The following AGBL4 variants were observed in gnomAD, a reference collection of about 807,000 sequenced individuals.
AGBL4 encodes AGBL carboxypeptidase 4.
Under a neutral mutation model 66.4 loss-of-function variants are expected in AGBL4, and 58 were observed. That is an observed-to-expected ratio of 0.87 (90% CI 0.71 to 1.09). AGBL4 has a LOEUF of 1.09. Among genes scored for constraint, AGBL4 ranks in the 50% least tolerant of loss-of-function variants. The pLI, the probability that AGBL4 is intolerant of heterozygous loss-of-function variation, is 0.00. For synonymous variants in AGBL4, 234 were observed against 222.9 expected, an observed-to-expected ratio of 1.05 and a Z score of -0.44; for missense variants, 579 against 631.0, an observed-to-expected ratio of 0.92 and a Z score of 0.88.
intron 1 of AGBL4, among the ~76,000 whole-genome samples, chr1:49,967,027 G>C (rs1236446270): frequency 2.0e-5 from 3 of 152,060 alleles, no homozygotes; most frequent in Admixed American, 2.0e-4. Flanking sequence ...CCCAGTAATG[G>C]GATTACTGGG....
At position 49,698,443 on chromosome 1, in the gene AGBL4, T is replaced by C. The variant is rs545112584; in HGVS notation, c.158-1006A>G. On this transcript the variant is annotated intron_variant, in intron 2 of 13. Transcript: ENST00000371839. ...CCTAAATGCTAAATGAACTAAACTA[T>C]TTGATCCTCTCAACAACTCCTATGA... Among the ~76,000 whole-genome samples, 8 of 152,234 alleles carry C rather than the reference T, an allele frequency of 5.3e-5. No homozygotes were observed. The East Asian group carries it at 1.5e-3, about 29-fold the overall frequency.
intron 3 of AGBL4, among the ~76,000 whole-genome samples, chr1:49,578,821 G>A (rs1644487697): frequency 6.6e-6 from 1 of 152,144 alleles, no homozygotes; most frequent in Non-Finnish European, 1.5e-5. Flanking sequence ...AAGTTGACAA[G>A]GGGTGAACTT....
Position 49,731,196 on chromosome 1 carries a change from T to C in AGBL4, c.158-33759A>G, listed in dbSNP as rs1216627180. Among the ~76,000 whole-genome samples, 3 of 152,278 alleles carry C rather than the reference T, an allele frequency of 2.0e-5. No homozygotes were observed. In the South Asian group the frequency reaches 6.2e-4, roughly 32 times the overall value. ...TCCTATCAGGTGTCCTTCTTTACATTTAGTCTTCCCCATGACTCCTATAAT... is the reference window on the plus strand; with the variant it reads ...TCCTATCAGGTGTCCTTCTTTACATCTAGTCTTCCCCATGACTCCTATAAT... On this transcript the variant is annotated intron_variant, in intron 2 of 13. Transcript: ENST00000371839.
chr1:49,353,602 C>T lies in AGBL4; in HGVS notation c.283-107738G>A, dbSNP rs1024525864. On this transcript the variant is annotated intron_variant, in intron 3 of 13. Coordinates refer to ENST00000371839, the MANE Select transcript of AGBL4 (RefSeq NM_032785.4). ...AGAGGGCAGTTCCCTGGTAAAGGCC[C>T]CACCTTCAAGCCTGGAAACCCATGG... is the stretch of plus-strand genomic sequence containing the variant. Among the ~76,000 whole-genome samples the T allele has an allele frequency of 2.6e-5, 4 of 151,990 alleles. 1 individual carries two copies. Among genetic ancestry groups the T allele is most frequent in the African/African-American group, 9.7e-5 (4 of 41,374 alleles).
chr1:48,612,507 G>C (rs1007254776), intron 9 of AGBL4, among the ~76,000 whole-genome samples: 1 of 152,136 alleles, frequency 6.6e-6, no homozygotes, highest in Non-Finnish European at 1.5e-5. Flanking sequence ...AAGGCAGGGA[G>C]GCTTCTTTCT....
At chr1:48,871,578 T>C (rs1291541894) in intron 5 of AGBL4, among the ~76,000 whole-genome samples, 1 of 152,110 alleles carries the variant, frequency 6.6e-6, no homozygotes, top group Non-Finnish European at 1.5e-5. Context: ...GTATGACCCC[T>C]GCATCCAGCC....
chr1:48,874,265 TC>T (rs1341398531), intron 5 of AGBL4, among the ~76,000 whole-genome samples: 1 of 151,942 alleles, frequency 6.6e-6, no homozygotes, highest in Admixed American at 6.6e-5. Context: ...GTTCATTCCC[TC>T]CCCCAGCCAT....
At chr1:49,816,042 C>T (rs936826817) in intron 2 of AGBL4, among the ~76,000 whole-genome samples, 1 of 152,070 alleles carries the variant, frequency 6.6e-6, no homozygotes, top group African/African-American at 2.4e-5. Flanking sequence ...CAGGCATATG[C>T]CACCATGCCT....
chr1:49,738,786 G>A (rs1650136027), intron 2 of AGBL4, among the ~76,000 whole-genome samples: 1 of 152,188 alleles, frequency 6.6e-6, no homozygotes, highest in African/African-American at 2.4e-5. Context: ...CTCATACCCA[G>A]GCAAACAGGG....
chr1:49,686,323 C>G (rs1276380390), intron 3 of AGBL4, among the ~76,000 whole-genome samples: 6 of 152,248 alleles, frequency 3.9e-5, no homozygotes, highest in East Asian at 1.9e-4. Context: ...GGGAACACCT[C>G]GGCTCCTCCA....
chr1:48,702,186 C>T (rs1447998158), intron 6 of AGBL4, among the ~76,000 whole-genome samples: 2 of 152,168 alleles, frequency 1.3e-5, no homozygotes, highest in African/African-American at 2.4e-5. Flanking sequence ...CCGGTTTAGA[C>T]GACCCGCCTT....
At chr1:49,737,954 G>T (rs1466186126) in intron 2 of AGBL4, among the ~76,000 whole-genome samples, 1 of 152,204 alleles carries the variant, frequency 6.6e-6, no homozygotes, top group Non-Finnish European at 1.5e-5. Flanking sequence ...TCTCACTAGG[G>T]ACTGTTGGTC....
intron 1 of AGBL4, among the ~76,000 whole-genome samples, chr1:50,022,614 CCACACA>C (rs10588611): frequency 0.22 from 30,948 of 141,022 alleles, 3,698 homozygotes; most frequent in South Asian, 0.32. Context: ...TGTACCATAA[CCACACA>C]CACACACACA....
intron 1 of AGBL4, among the ~76,000 whole-genome samples, chr1:49,921,210 G>C (rs1652199823): frequency 6.6e-6 from 1 of 151,500 alleles, no homozygotes; most frequent in Non-Finnish European, 1.5e-5. Flanking sequence ...TGCACGTTGT[G>C]CACATGTACC....
At chr1:49,055,770 A>G (rs1442996455) in intron 4 of AGBL4, among the ~76,000 whole-genome samples, 1 of 152,192 alleles carries the variant, frequency 6.6e-6, no homozygotes, top group African/African-American at 2.4e-5. Flanking sequence ...ATGAATGCCT[A>G]TTAATCTTAT....
At chr1:49,057,075 C>T (rs1644321385) in intron 4 of AGBL4, among the ~76,000 whole-genome samples, 1 of 152,082 alleles carries the variant, frequency 6.6e-6, no homozygotes, top group South Asian at 2.1e-4. Context: ...CCTACTCTTC[C>T]CCTCTCAGTT....
At chr1:49,675,553 TAAAAATA>T (rs1646562574) in intron 3 of AGBL4, among the ~76,000 whole-genome samples, 1 of 151,870 alleles carries the variant, frequency 6.6e-6, no homozygotes, top group African/African-American at 2.4e-5. Flanking sequence ...CTTGAATCCA[TAAAAATA>T]AAAAATAAAA....
chr1:49,837,701 C>A (rs1230806076), intron 2 of AGBL4, among the ~76,000 whole-genome samples: 1 of 152,112 alleles, frequency 6.6e-6, no homozygotes, highest in African/African-American at 2.4e-5. Flanking sequence ...AAAAATTAGC[C>A]AAGTGTGGTG....
chr1:49,306,876 C>A (rs1313068584), intron 3 of AGBL4, among the ~76,000 whole-genome samples: 1 of 152,128 alleles, frequency 6.6e-6, no homozygotes, highest in Non-Finnish European at 1.5e-5. Context: ...ATCACTATGG[C>A]AATTTTTATC....
Sources: allele counts gnomAD v4.1 joint callset (sites outside exome capture counted in the v4.1 genomes callset), GRCh38; gene constraint gnomAD v4.1.1; transcripts MANE v1.5; gene names NCBI Gene and HGNC (gene_info 2026-07-23, HGNC 2026-07-21).